The following COL27A1 variants were observed in gnomAD, a reference collection of about 807,000 sequenced individuals.
COL27A1 encodes collagen alpha-1(XXVII) chain.
In COL27A1, 106 loss-of-function variants were observed where a neutral mutation model predicts 251.3. That is an observed-to-expected ratio of 0.42 (90% CI 0.36 to 0.50). COL27A1 has a LOEUF of 0.50. Ranked by LOEUF, COL27A1 falls within the 20% of genes least tolerant of loss-of-function variation. The probability of loss-of-function intolerance (pLI) is 0.00; values close to 1 mark genes in which losing one functional copy is unlikely to be tolerated. For synonymous variants in COL27A1, 1,000 were observed against 986.3 expected, an observed-to-expected ratio of 1.01 and a Z score of -0.26; for missense variants, 2,325 against 2,522.8, an observed-to-expected ratio of 0.92 and a Z score of 1.68.
chr9:114,242,170 G>C lies in COL27A1; in HGVS notation c.2836-17G>C. The C allele has an allele frequency of 6.3e-7, 1 of 1,587,744 alleles. No homozygotes were observed. The highest frequency in any genetic ancestry group is 8.5e-7 in the Non-Finnish European group (1 of 1,170,396). On this transcript the variant is annotated splice_polypyrimidine_tract_variant and intron_variant, in intron 21 of 60. Transcript: ENST00000356083. ...TAACTTTCTCCTTTTTTCCTCTCTC[G>C]TGTCTCCCAATTCTAGGGAGATGAG...
At chr9:114,306,392 C>T (rs1387845755) in intron 57 of COL27A1, 128 bp from the exon 58 acceptor site, 3 of 871,208 alleles carry the variant, frequency 3.4e-6, no homozygotes, top group African/African-American at 3.4e-5. Flanking sequence ...GAAACCCAAC[C>T]CGTGCTCTAG....
rs561463945 is a variant in COL27A1 at position 114,169,480 on chromosome 9, T to C, written c.1908+17T>C. On this transcript the variant is annotated intron_variant, in intron 3 of 60. Transcript: ENST00000356083. ...GGCTTGCCGGTAAGACTGAGTGGGG[T>C]CTGCATGCTGCTTGGAGCTCCAGTG... The C allele has an allele frequency of 5.5e-5, 82 of 1,503,808 alleles. 1 individual carries two copies. In the South Asian group the frequency reaches 1.0e-3, roughly 19 times the overall value. 93.2% of individuals were successfully genotyped at this position (1,503,808 alleles called of 1,614,324 possible). A position where few individuals can be genotyped will look rare whatever the true frequency, so the allele number is the denominator to read the frequency against.
At chr9:114,266,492 T>G in intron 32 of COL27A1, 73 bp from the exon 33 acceptor site, 1 of 1,331,244 alleles carries the variant, frequency 7.5e-7, no homozygotes, top group Non-Finnish European at 1.1e-6. Context: ...AGCTCCCTCA[T>G]TCACCCCTCC....
intron 3 of COL27A1, among the ~76,000 whole-genome samples, chr9:114,173,266 C>T (rs1014037949): frequency 2.0e-5 from 3 of 152,246 alleles, no homozygotes; most frequent in Non-Finnish European, 2.9e-5. Flanking sequence ...GGCATTTGCC[C>T]GTGCTTGCAC....
intron 16 of COL27A1, among the ~76,000 whole-genome samples, chr9:114,235,092 A>AG (rs1370367253): frequency 2.6e-5 from 4 of 151,284 alleles, no homozygotes; most frequent in African/African-American, 9.7e-5. Context: ...AAAAAAAAAA[A>AG]AAAAAAATAG....
At chr9:114,178,037 T>C (rs1827605855) in intron 3 of COL27A1, among the ~76,000 whole-genome samples, 1 of 152,142 alleles carries the variant, frequency 6.6e-6, no homozygotes, top group African/African-American at 2.4e-5. Context: ...TGGGGAAGGT[T>C]TTCTGGAGAA....
intron 7 of COL27A1, among the ~76,000 whole-genome samples, chr9:114,196,682 C>T (rs1829159597): frequency 6.6e-6 from 1 of 152,202 alleles, no homozygotes; most frequent in South Asian, 2.1e-4. Flanking sequence ...TTCTCTCTAT[C>T]TTGCTGGCTG....
intron 3 of COL27A1, among the ~76,000 whole-genome samples, chr9:114,172,838 C>G (rs1353664930): frequency 6.6e-6 from 1 of 152,180 alleles, no homozygotes; most frequent in African/African-American, 2.4e-5. Context: ...GCTATCTTAT[C>G]TAGTTTTGCT....
intron 37 of COL27A1, among the ~76,000 whole-genome samples, chr9:114,281,098 C>T (rs1039854444): frequency 6.6e-6 from 1 of 152,230 alleles, no homozygotes; most frequent in African/African-American, 2.4e-5. Context: ...TCACCTCCTT[C>T]ATTCTACATC....
chr9:114,297,547 C>T (rs1208895430), intron 49 of COL27A1, among the ~76,000 whole-genome samples: 1 of 152,156 alleles, frequency 6.6e-6, no homozygotes, highest in African/African-American at 2.4e-5. Flanking sequence ...CAATGTAATA[C>T]ACCATATTAA....
At chr9:114,287,805 A>G (rs1472110186) in intron 41 of COL27A1, among the ~76,000 whole-genome samples, 1 of 152,200 alleles carries the variant, frequency 6.6e-6, no homozygotes, top group Non-Finnish European at 1.5e-5. Context: ...TCCTCCCAGC[A>G]AGGATCGGAG....
At chr9:114,258,452 C>G in intron 27 of COL27A1, 89 bp from the exon 28 acceptor site, 1 of 1,310,764 alleles carries the variant, frequency 7.6e-7, no homozygotes, top group East Asian at 2.5e-5. Context: ...GGGCTGCAGG[C>G]CTTCAAGCTT....
chr9:114,306,329 C>G (rs1829042460), intron 57 of COL27A1, 191 bp from the exon 58 acceptor site: 1 of 583,404 alleles, frequency 1.7e-6, no homozygotes, highest in Non-Finnish European at 3.0e-6. Flanking sequence ...ATTGTGATAG[C>G]CTCTCCTCCT....
At chr9:114,199,811 C>T (rs2135270664) in intron 7 of COL27A1, among the ~76,000 whole-genome samples, 1 of 152,282 alleles carries the variant, frequency 6.6e-6, no homozygotes, top group East Asian at 1.9e-4. Context: ...TGACCACATT[C>T]AACTCCCTCG....
chr9:114,295,603 C>G (rs1247540175), intron 49 of COL27A1, among the ~76,000 whole-genome samples: 1 of 152,138 alleles, frequency 6.6e-6, no homozygotes, highest in Non-Finnish European at 1.5e-5. Flanking sequence ...ATCAAAGGAA[C>G]AGAATGAAAG....
At chr9:114,287,827 C>A (rs374626726) in intron 41 of COL27A1, among the ~76,000 whole-genome samples, 2 of 152,164 alleles carry the variant, frequency 1.3e-5, no homozygotes, top group Non-Finnish European at 2.9e-5. Context: ...CAGGGACTCT[C>A]GGGTTGAGGG....
intron 58 of COL27A1, 39 bp from the exon 59 acceptor site, chr9:114,307,630 C>G (rs761637585): frequency 1.4e-6 from 2 of 1,400,760 alleles, no homozygotes; most frequent in Non-Finnish European, 2.0e-6. Context: ...GGCTCATCCC[C>G]CAGATACATA....
chr9:114,309,236 C>T, intron 59 of COL27A1, 24 bp from the exon 60 acceptor site: 2 of 1,608,964 alleles, frequency 1.2e-6, no homozygotes, highest in African/African-American at 2.7e-5. Context: ...GCCTGAGCCG[C>T]TCACTGCCGT....
chr9:114,263,232 C>T (rs896048528), intron 28 of COL27A1, among the ~76,000 whole-genome samples: 28 of 152,140 alleles, frequency 1.8e-4, no homozygotes, highest in Admixed American at 1.4e-3. Context: ...CCACTGTGCC[C>T]AGCCTTCCGC....
Sources: allele counts gnomAD v4.1 joint callset (sites outside exome capture counted in the v4.1 genomes callset), GRCh38; gene constraint gnomAD v4.1.1; transcripts MANE v1.5; gene names NCBI Gene and HGNC (gene_info 2026-07-23, HGNC 2026-07-21).